Variants in PLCE1 observed in about 807,000 individuals in gnomAD.
PLCE1 encodes 1-phosphatidylinositol 4,5-bisphosphate phosphodiesterase epsilon-1.
PLCE1 carries 119 observed loss-of-function variants against 242.8 expected under a neutral mutation model. The ratio of observed to expected loss-of-function variants is 0.49; its 90% CI spans 0.42 to 0.57. The LOEUF (loss-of-function observed/expected upper bound fraction) is 0.57. Among genes scored for constraint, PLCE1 ranks in the 20% least tolerant of loss-of-function variants. PLCE1 has a pLI of 0.00. For synonymous variants in PLCE1, 945 were observed against 1,017.4 expected (o/e 0.93, Z 1.35); for missense variants, 2,441 against 2,788.8 (o/e 0.88, Z 2.81).
intron 7 of PLCE1, among the ~76,000 whole-genome samples, chr10:94,242,323 A>G (rs759416456): frequency 4.0e-5 from 6 of 151,258 alleles, no homozygotes; most frequent in Non-Finnish European, 7.4e-5. Flanking sequence ...TATTTTTTTG[A>G]GACAGAGTCT....
chr10:94,306,413 C>A lies in PLCE1; in HGVS notation c.5623-14C>A. On this transcript the variant is annotated splice_polypyrimidine_tract_variant and intron_variant, in intron 25 of 32. Coordinates refer to ENST00000371380, the MANE Select transcript of PLCE1 (RefSeq NM_016341.4). This position sits in a 1 kb window ranked among gnomAD's most constrained non-coding sequence, Gnocchi z 5.7. ...CCTCGGTGACTTTGATCCCTTTTGT[C>A]TCCCTCACCCTAGATTGTCTCTGGT... The A allele has an allele frequency of 6.2e-7, 1 of 1,614,116 alleles. No homozygotes were observed. Among genetic ancestry groups the A allele is most frequent in the African/African-American group, 1.3e-5 (1 of 75,028 alleles).
chr10:94,033,891 A>G (rs2061612010), intron 2 of PLCE1, among the ~76,000 whole-genome samples: 1 of 152,150 alleles, frequency 6.6e-6, no homozygotes, highest in Non-Finnish European at 1.5e-5. Context: ...TATAAGTGCT[A>G]TATTTTTACT....
chr10:94,016,513 T>C (rs1174377071), intron 1 of PLCE1, among the ~76,000 whole-genome samples: 1 of 152,220 alleles, frequency 6.6e-6, no homozygotes, highest in Admixed American at 6.5e-5. Flanking sequence ...AGTCACATGA[T>C]ATCAGGTATG....
chr10:94,106,943 T>TCCCC (rs1590037903), intron 2 of PLCE1: 1 of 122,492 alleles, frequency 8.2e-6, no homozygotes, highest in African/African-American at 3.3e-5. Context: ...TCTCTCTCTC[T>TCCCC]CCCCCTCCCC....
chr10:94,154,972 G>C (rs895191589), intron 3 of PLCE1, among the ~76,000 whole-genome samples: 1 of 149,602 alleles, frequency 6.7e-6, no homozygotes, highest in African/African-American at 2.4e-5. Context: ...GGAAAAAAAA[G>C]TAAGAAAGAA....
Position 94,306,404 on chromosome 10 carries a change from C to T in PLCE1, c.5623-23C>T, listed in dbSNP as rs370287685. On this transcript the variant is annotated intron_variant, in intron 25 of 32. Coordinates refer to ENST00000371380, the MANE Select transcript of PLCE1 (RefSeq NM_016341.4). The surrounding 1 kb of genome is among the most constrained non-coding windows in gnomAD (Gnocchi z 5.7). ...CTTTTTTATCCTCGGTGACTTTGAT[C>T]CCTTTTGTCTCCCTCACCCTAGATT... The T allele has an allele frequency of 6.2e-7, 1 of 1,613,940 alleles. No individual in the cohort carries two copies. The highest frequency in any genetic ancestry group is 8.5e-7 in the Non-Finnish European group (1 of 1,179,976).
At chr10:94,265,494 ACTT>A (rs916905399) in intron 14 of PLCE1, among the ~76,000 whole-genome samples, 150 bp from the exon 15 acceptor site, 14 of 152,318 alleles carry the variant, frequency 9.2e-5, no homozygotes, top group Middle Eastern at 3.4e-3. Context: ...ACTAAAAACT[ACTT>A]CTTACCACTA....
At chr10:94,243,161 A>T (rs561229687) in intron 7 of PLCE1, among the ~76,000 whole-genome samples, 1 of 152,314 alleles carries the variant, frequency 6.6e-6, no homozygotes, top group Non-Finnish European at 1.5e-5. Context: ...GAGAGAAGTC[A>T]TGTTGGTAGT....
chr10:94,210,747 C>T (rs2049305984), intron 4 of PLCE1, among the ~76,000 whole-genome samples: 1 of 152,196 alleles, frequency 6.6e-6, no homozygotes, highest in Admixed American at 6.5e-5. Context: ...CCCTGAAGGG[C>T]TCTTCCTGCC....
chr10:94,316,366 G>A (rs1249093045), intron 28 of PLCE1, among the ~76,000 whole-genome samples, 181 bp from the exon 29 acceptor site: 1 of 152,156 alleles, frequency 6.6e-6, no homozygotes, highest in Non-Finnish European at 1.5e-5. Flanking sequence ...GTTGCCCGGA[G>A]TGAACATAAA....
chr10:94,229,974 A>T (rs1012900734), intron 5 of PLCE1, among the ~76,000 whole-genome samples: 5 of 152,250 alleles, frequency 3.3e-5, no homozygotes, highest in African/African-American at 1.2e-4. Flanking sequence ...GGCAGAGCTT[A>T]TATGTGCACT....
chr10:94,235,660 TA>T, intron 6 of PLCE1: 1 of 913,218 alleles, frequency 1.1e-6, no homozygotes, highest in Non-Finnish European at 1.3e-6. Context: ...CCTGAAATAA[TA>T]TTTTTTTTGT....
intron 22 of PLCE1, among the ~76,000 whole-genome samples, chr10:94,290,789 A>C (rs2052619156): frequency 6.6e-6 from 1 of 152,242 alleles, no homozygotes. Context: ...GTAAATATAT[A>C]AACCAGTAAC....
chr10:94,252,125 C>G (rs775645508), intron 8 of PLCE1, among the ~76,000 whole-genome samples, 191 bp from the exon 9 acceptor site: 1 of 152,178 alleles, frequency 6.6e-6, no homozygotes. Context: ...ACCAGGACAA[C>G]GGGGGACATG....
At chr10:94,166,769 G>A (rs555778368) in intron 3 of PLCE1, among the ~76,000 whole-genome samples, 18 of 151,950 alleles carry the variant, frequency 1.2e-4, no homozygotes, top group East Asian at 7.7e-4. Context: ...GTTTTTTATC[G>A]TCTATAGCAA....
Position 94,279,925 on chromosome 10 carries a change from A to T in PLCE1, c.4795+14A>T. 6.2e-7 allele frequency: 1 copy of T among 1,613,188 alleles called. No individual in the cohort carries two copies. The highest frequency in any genetic ancestry group is 8.5e-7 in the Non-Finnish European group (1 of 1,179,410). ...CCCTTTCTGATGGTAAGAGAAACAG[A>T]TCCCTATGCTGTGCACAGGAAAATT... On this transcript the variant is annotated intron_variant, in intron 20 of 32. Coordinates refer to ENST00000371380, the MANE Select transcript of PLCE1 (RefSeq NM_016341.4).
chr10:94,265,491 A>G (rs2051480793), intron 14 of PLCE1, among the ~76,000 whole-genome samples, 156 bp from the exon 15 acceptor site: 1 of 152,192 alleles, frequency 6.6e-6, no homozygotes, highest in Non-Finnish European at 1.5e-5. Flanking sequence ...TGGACTAAAA[A>G]CTACTTCTTA....
At chr10:94,101,962 C>A (rs990767083) in intron 2 of PLCE1, among the ~76,000 whole-genome samples, 5 of 152,246 alleles carry the variant, frequency 3.3e-5, no homozygotes, top group Middle Eastern at 6.8e-3. Context: ...CAGAACCACT[C>A]GGATGAGTGG....
chr10:94,129,619 CA>C (rs1344723480), intron 2 of PLCE1, among the ~76,000 whole-genome samples: 2 of 152,172 alleles, frequency 1.3e-5, no homozygotes, highest in African/African-American at 4.8e-5. Flanking sequence ...AGCAAATGCA[CA>C]ATGAGCCAGC....
Sources: gnomAD v4.1 joint callset for allele counts (sites outside exome capture counted in the v4.1 genomes callset) on GRCh38, gnomAD v4.1.1 for gene constraint, Gnocchi (gnomAD v3.1) non-coding constraint, MANE v1.5 for transcripts, NCBI Gene and HGNC (gene_info 2026-07-23, HGNC 2026-07-21) for gene names.